The following KDM4B variants were observed in gnomAD, a reference collection of about 807,000 sequenced individuals.
The protein encoded by KDM4B is lysine demethylase 4B, also known as lysine-specific demethylase 4B.
A neutral mutation model predicts 125.2 loss-of-function variants in KDM4B; 32 were observed. The observed-to-expected ratio is 0.26, with a 90% CI of 0.19 to 0.34. The LOEUF (loss-of-function observed/expected upper bound fraction) is 0.34, where lower values mean the gene tolerates loss of function less well. KDM4B is among the 10% of genes least tolerant of loss of function. KDM4B has a pLI of 1.00. For missense variants in KDM4B, 1,190 were observed against 1,577.7 expected (o/e 0.75, Z 4.16); for synonymous variants, 721 against 677.9 (o/e 1.06, Z -0.99).
chr19:5,133,949 T>C lies in KDM4B; in HGVS notation c.1973T>C (p.Leu658Pro), dbSNP rs771276488. 1.2e-6 allele frequency: 2 copies of C among 1,613,106 alleles called. No homozygotes were observed. The highest frequency in any genetic ancestry group is 1.7e-6 in the Non-Finnish European group (2 of 1,179,936). The change falls in exon 14 of 23, where the codon CTG becomes CCG. Residue 658 changes from leucine to proline, a missense_variant. Transcript: ENST00000159111. Reference protein sequence around the residue: ...DPDALRPLLSLQWKNRAASFQ... With the variant: ...DPDALRPLLSPQWKNRAASFQ... ...GACGCCTTGAGGCCGCTGCTGTCTC[T>C]GCAGTGGAAGAACAGGGCGGCCAGC...
intron 1 of KDM4B, among the ~76,000 whole-genome samples, chr19:5,006,473 T>A (rs1232342764): frequency 6.6e-6 from 1 of 152,070 alleles, no homozygotes; most frequent in African/African-American, 2.4e-5. Flanking sequence ...AATGTGTTGG[T>A]TAAGATATGG....
At chr19:5,130,858 G>C (rs2039529540) in intron 11 of KDM4B, among the ~76,000 whole-genome samples, 1 of 152,378 alleles carries the variant, frequency 6.6e-6, no homozygotes, top group East Asian at 1.9e-4. Context: ...CGCCTGCGTT[G>C]TGGGGAGACC....
At chr19:5,118,971 G>A (rs371064445) in intron 10 of KDM4B, 32 of 613,594 alleles carry the variant, frequency 5.2e-5, no homozygotes, top group African/African-American at 2.4e-4. Flanking sequence ...TCAGAGCAGC[G>A]GAGTGTGAGC....
intron 6 of KDM4B, among the ~76,000 whole-genome samples, chr19:5,050,714 C>CA (rs1406915611): frequency 6.6e-6 from 1 of 152,160 alleles, no homozygotes; most frequent in Non-Finnish European, 1.5e-5. Context: ...TCTTGGCTAA[C>CA]ACGGTGAAAC....
intron 6 of KDM4B, among the ~76,000 whole-genome samples, chr19:5,063,562 C>A (rs2037672112): frequency 6.6e-6 from 1 of 152,148 alleles, no homozygotes. Flanking sequence ...TCTGGTGGGG[C>A]CTGTGTTGAC....
At chr19:4,977,247 G>C (rs2034479486) in intron 1 of KDM4B, among the ~76,000 whole-genome samples, 1 of 152,184 alleles carries the variant, frequency 6.6e-6, no homozygotes, top group African/African-American at 2.4e-5. Flanking sequence ...TGTGGCTCTG[G>C]ACTGGGATCG....
chr19:5,116,235 TAAAAAAAAAAAAAAAA>T (rs35940660), intron 10 of KDM4B, among the ~76,000 whole-genome samples: 1,027 of 40,432 alleles, frequency 0.025, 27 homozygotes, highest in African/African-American at 0.078. Flanking sequence ...ACCACATCTC[TAAAAAAAAAAAAAAAA>T]AAAAAAAAAA....
chr19:4,973,005 C>G (rs530537197), intron 1 of KDM4B, among the ~76,000 whole-genome samples: 15 of 152,302 alleles, frequency 9.8e-5, no homozygotes, highest in African/African-American at 3.6e-4. Context: ...CTTGCCCAGG[C>G]TTGCTTGGCT....
intron 18 of KDM4B, 22 bp downstream of exon 18, chr19:5,138,092 C>T (rs774434494): frequency 1.9e-6 from 3 of 1,579,034 alleles, no homozygotes; most frequent in East Asian, 4.5e-5. Flanking sequence ...CGGTCGAGGC[C>T]CACCCTGCCC....
intron 2 of KDM4B, among the ~76,000 whole-genome samples, chr19:5,017,477 G>C (rs938496585): frequency 2.0e-5 from 3 of 152,142 alleles, no homozygotes; most frequent in Admixed American, 2.0e-4. Context: ...TCCTGTTTGG[G>C]CCTGTGCAGA....
intron 6 of KDM4B, among the ~76,000 whole-genome samples, chr19:5,060,280 A>G (rs1175898297): frequency 3.3e-5 from 5 of 152,036 alleles, no homozygotes; most frequent in Non-Finnish European, 5.9e-5. Context: ...CTCTATTAAA[A>G]ATACAAAAAT....
rs187346774 is a variant in KDM4B at position 5,012,604 on chromosome 19, G to A, written c.-108-3653G>A. Among the ~76,000 whole-genome samples the A allele has an allele frequency of 2.6e-5, 4 of 152,330 alleles. No homozygotes were observed. In the East Asian group the frequency reaches 7.7e-4, roughly 29 times the overall value. On this transcript the variant is annotated intron_variant, in intron 1 of 22. Coordinates refer to ENST00000159111, the MANE Select transcript of KDM4B (RefSeq NM_015015.3). ...GTGTTTTGTGCCTGGACAGTGTTGA[G>A]GGGGCTGGCCAGGCAGATGGTAGGG...
At chr19:5,132,101 C>G in intron 13 of KDM4B, 94 bp downstream of exon 13, 1 of 1,421,200 alleles carries the variant, frequency 7.0e-7, no homozygotes, top group Non-Finnish European at 9.4e-7. Flanking sequence ...GGCTTCCTTC[C>G]CCCACTTCCT....
chr19:5,116,806 C>G (rs531497389), intron 10 of KDM4B, among the ~76,000 whole-genome samples: 9 of 152,116 alleles, frequency 5.9e-5, no homozygotes, highest in African/African-American at 1.9e-4. Context: ...AAAGCGTAAA[C>G]GTGGAATTTG....
Position 5,137,690 on chromosome 19 carries a change from C to T in KDM4B, c.2441+14C>T, listed in dbSNP as rs367720057. The T allele has an allele frequency of 1.2e-4, 184 of 1,571,138 alleles. 2 individuals carry two copies. Among genetic ancestry groups the T allele is most frequent in the Non-Finnish European group, 1.5e-4 (175 of 1,161,476 alleles). ...CACCGATAGGAGGTGGGTGGCACCG[C>T]GCGTTGGGGCTGGAGGGCCGGAGGG... is the stretch of plus-strand genomic sequence containing the variant. On this transcript the variant is annotated intron_variant, in intron 17 of 22. Transcript: ENST00000159111.
intron 1 of KDM4B, among the ~76,000 whole-genome samples, chr19:4,981,667 A>G (rs2034647392): frequency 6.6e-6 from 1 of 152,106 alleles, no homozygotes; most frequent in Admixed American, 6.5e-5. Flanking sequence ...AGCAGGTGAC[A>G]CTGCCAGGCA....
chr19:5,107,201 G>A (rs762813512), intron 9 of KDM4B, among the ~76,000 whole-genome samples: 16 of 152,274 alleles, frequency 1.1e-4, no homozygotes, highest in Admixed American at 2.6e-4. Context: ...TAGCGGCCAT[G>A]TGTATCACAC....
At chr19:4,996,067 C>T (rs1247629975) in intron 1 of KDM4B, among the ~76,000 whole-genome samples, 3 of 151,974 alleles carry the variant, frequency 2.0e-5, no homozygotes, top group Admixed American at 1.3e-4. Flanking sequence ...CTCAGCTCAC[C>T]GCAGCCTCCT....
chr19:5,116,199 G>A (rs1346448743), intron 10 of KDM4B, among the ~76,000 whole-genome samples: 10 of 129,546 alleles, frequency 7.7e-5, no homozygotes, highest in Non-Finnish European at 1.1e-4. Flanking sequence ...CCCAGAGTTC[G>A]AGGTCAGCCT....
Sources: allele counts gnomAD v4.1 joint callset (sites outside exome capture counted in the v4.1 genomes callset), GRCh38; gene constraint gnomAD v4.1.1; transcripts MANE v1.5; gene names NCBI Gene and HGNC (gene_info 2026-07-23, HGNC 2026-07-21).